NDUFA13: variants seen among roughly 807,000 people sequenced by gnomAD.
NDUFA13 encodes NADH:ubiquinone oxidoreductase subunit A13, also known as NADH dehydrogenase [ubiquinone] 1 alpha subcomplex subunit 13.
Under a neutral mutation model 17.0 loss-of-function variants are expected in NDUFA13, and 16 were observed. That is an observed-to-expected ratio of 0.94 (90% CI 0.64 to 1.43). NDUFA13 has a LOEUF of 1.43. Among genes scored for constraint, NDUFA13 ranks in the 40% most tolerant of loss-of-function variants. The pLI is 0.00. For synonymous variants in NDUFA13, 87 were observed against 78.4 expected, an observed-to-expected ratio of 1.11 and a Z score of -0.58; for missense variants, 228 against 206.7, an observed-to-expected ratio of 1.10 and a Z score of -0.63.
At chr19:19,518,924 A>T (rs1230671266) in intron 1 of NDUFA13, among the ~76,000 whole-genome samples, 1 of 151,262 alleles carries the variant, frequency 6.6e-6, no homozygotes, top group Non-Finnish European at 1.5e-5. Flanking sequence ...TTGTATTTTT[A>T]GTAGAGATGG....
chr19:19,526,890 C>G (rs551245049), intron 2 of NDUFA13, among the ~76,000 whole-genome samples: 1 of 152,346 alleles, frequency 6.6e-6, no homozygotes, highest in African/African-American at 2.4e-5. Flanking sequence ...CCCCGCCTGC[C>G]CCAGCCTCAC....
chr19:19,525,956 G>A (rs545874223), intron 1 of NDUFA13: 2 of 1,365,578 alleles, frequency 1.5e-6, no homozygotes, highest in South Asian at 3.0e-5. Flanking sequence ...ATGGACCTGG[G>A]GCCCCCCTAG....
At chr19:19,518,534 G>T (rs1422446130) in intron 1 of NDUFA13, among the ~76,000 whole-genome samples, 3 of 149,500 alleles carry the variant, frequency 2.0e-5, no homozygotes, top group Non-Finnish European at 4.4e-5. Flanking sequence ...CACGCCTGGC[G>T]TTGTTTGTTT....
intron 2 of NDUFA13, 124 bp downstream of exon 2, chr19:19,526,384 C>A (rs879940917): frequency 2.9e-6 from 3 of 1,024,908 alleles, no homozygotes; most frequent in Non-Finnish European, 4.4e-6. Flanking sequence ...GCTGTGCAAT[C>A]CCAGGCCCCA....
intron 3 of NDUFA13, 59 bp downstream of exon 3, chr19:19,527,411 G>A: frequency 6.4e-7 from 1 of 1,573,166 alleles, no homozygotes; most frequent in Non-Finnish European, 8.7e-7. Context: ...AGGCTGCAGG[G>A]CCTGACCTGC....
intron 1 of NDUFA13, among the ~76,000 whole-genome samples, chr19:19,524,904 G>A (rs1205594084): frequency 6.6e-6 from 1 of 152,156 alleles, no homozygotes; most frequent in East Asian, 1.9e-4. Context: ...ACTGGACATG[G>A]CACACACCTG....
At chr19:19,523,265 G>C (rs186042746) in intron 1 of NDUFA13, among the ~76,000 whole-genome samples, 117 of 152,276 alleles carry the variant, frequency 7.7e-4, no homozygotes, top group Middle Eastern at 3.4e-3. Flanking sequence ...TTGAACACAG[G>C]ATGGGTTTTT....
chr19:19,521,880 G>A (rs999522327), intron 1 of NDUFA13, among the ~76,000 whole-genome samples: 1 of 152,104 alleles, frequency 6.6e-6, no homozygotes, highest in Non-Finnish European at 1.5e-5. Flanking sequence ...GGGATTACAG[G>A]TGTGAGCCAC....
intron 1 of NDUFA13, among the ~76,000 whole-genome samples, chr19:19,517,056 G>A (rs2061052834): frequency 6.6e-6 from 1 of 152,122 alleles, no homozygotes; most frequent in Non-Finnish European, 1.5e-5. Flanking sequence ...CAAAGTGCTG[G>A]GATTACAGGC....
At chr19:19,527,162 G>GCCACCCCCC in intron 2 of NDUFA13, 119 bp from the exon 3 acceptor site, 5 of 837,456 alleles carry the variant, frequency 6.0e-6, no homozygotes, top group Non-Finnish European at 5.3e-6. Flanking sequence ...CCCCCTGCCT[G>GCCACCCCCC]CCTCCCCGCC....
chr19:19,525,299 G>T (rs2061095089), intron 1 of NDUFA13, among the ~76,000 whole-genome samples: 1 of 152,252 alleles, frequency 6.6e-6, no homozygotes, highest in South Asian at 2.1e-4. Flanking sequence ...TAGCAGAGGT[G>T]CCCCCGTGAG....
intron 1 of NDUFA13, among the ~76,000 whole-genome samples, chr19:19,517,271 T>C (rs2061054101): frequency 6.6e-6 from 1 of 151,644 alleles, no homozygotes; most frequent in African/African-American, 2.4e-5. Context: ...ACGGTATGGT[T>C]CTGTTGCCTG....
intron 4 of NDUFA13, 98 bp downstream of exon 4, chr19:19,527,868 A>C: frequency 6.8e-7 from 1 of 1,478,946 alleles, no homozygotes; most frequent in Non-Finnish European, 9.3e-7. Flanking sequence ...CCCAGGACCA[A>C]GGGGGTGGTG....
intron 1 of NDUFA13, among the ~76,000 whole-genome samples, chr19:19,517,572 C>T (rs1272805412): frequency 6.6e-6 from 1 of 152,140 alleles, no homozygotes; most frequent in Non-Finnish European, 1.5e-5. Flanking sequence ...GCACATTATT[C>T]CTCAATTTTA....
chr19:19,521,329 A>T (rs936697475), intron 1 of NDUFA13, among the ~76,000 whole-genome samples: 2 of 13,812 alleles, frequency 1.4e-4, no homozygotes, highest in Non-Finnish European at 2.8e-4. Context: ...GTTGATTTGC[A>T]TATCACTGCT....
chr19:19,519,929 G>A (rs181526120), intron 1 of NDUFA13, among the ~76,000 whole-genome samples: 218 of 150,980 alleles, frequency 1.4e-3, no homozygotes, highest in African/African-American at 4.7e-3. Flanking sequence ...CACTGCCAGC[G>A]TCCCAGGACA....
chr19:19,522,681 T>G (rs1239036986), intron 1 of NDUFA13, among the ~76,000 whole-genome samples: 1 of 152,028 alleles, frequency 6.6e-6, no homozygotes, highest in African/African-American at 2.4e-5. Flanking sequence ...GGTTTCACCG[T>G]GTTAGCCAGG....
In NDUFA13 at chr19:19,527,671, C is replaced by T. The variant is rs1173814645; in HGVS notation, c.246-30C>T. 7.8e-6 allele frequency: 12 copies of T among 1,537,648 alleles called. No homozygotes were observed. The Admixed American group carries it at 9.8e-5, about 13-fold the overall frequency. The stretch of plus-strand genomic sequence containing the variant: ...AGGGGCCCCTCAGGGCACTGAGGCC[C>T]CACCCCCACCATCGGCCCCATCCCC... On this transcript the variant is annotated intron_variant, in intron 3 of 4. Coordinates refer to ENST00000507754, the MANE Select transcript of NDUFA13 (RefSeq NM_015965.7).
At chr19:19,521,271 T>A (rs992373532) in intron 1 of NDUFA13, among the ~76,000 whole-genome samples, 18 of 124,448 alleles carry the variant, frequency 1.4e-4, no homozygotes, top group African/African-American at 5.1e-4. Flanking sequence ...TGGAGTTTTT[T>A]AAAATTCTTT....
Sources: allele counts gnomAD v4.1 joint callset (sites outside exome capture counted in the v4.1 genomes callset), GRCh38; gene constraint gnomAD v4.1.1; transcripts MANE v1.5; gene names NCBI Gene and HGNC (gene_info 2026-07-23, HGNC 2026-07-21).